Variants in GSE1 observed in about 807,000 individuals in gnomAD.
The protein encoded by GSE1 is genetic suppressor element 1.
A neutral mutation model predicts 112.6 loss-of-function variants in GSE1; 32 were observed. The observed-to-expected ratio is 0.28, with a 90% CI of 0.21 to 0.38. The LOEUF (loss-of-function observed/expected upper bound fraction) is 0.38. GSE1 is among the 10% of genes least tolerant of loss of function. The probability of loss-of-function intolerance (pLI) is 1.00; values close to 1 mark genes in which losing one functional copy is unlikely to be tolerated. For synonymous variants in GSE1, 1,115 were observed against 735.6 expected (o/e 1.52, Z -8.35); for missense variants, 2,348 against 1,699.2 (o/e 1.38, Z -6.71).
chr16:85,654,489 T>TGG, intron 4 of GSE1, 39 bp downstream of exon 4: 1 of 1,526,176 alleles, frequency 6.6e-7, no homozygotes, highest in Middle Eastern at 1.9e-4. Flanking sequence ...GGTGGCCAGG[T>TGG]GGGGACACAG....
intron 1 of GSE1, among the ~76,000 whole-genome samples, chr16:85,569,240 C>T (rs2045882703): frequency 6.6e-6 from 1 of 152,212 alleles, no homozygotes; most frequent in South Asian, 2.1e-4. Flanking sequence ...GCCCAGGTGT[C>T]TGGGAACGGT....
intron 1 of GSE1, among the ~76,000 whole-genome samples, chr16:85,190,682 A>G (rs568755166): frequency 2.0e-5 from 3 of 152,384 alleles, no homozygotes; most frequent in African/African-American, 7.2e-5. Context: ...GCAGAATGCC[A>G]GTGCCCTGGG....
At chr16:85,383,033 C>T (rs988957321) in intron 2 of GSE1, among the ~76,000 whole-genome samples, 1 of 151,632 alleles carries the variant, frequency 6.6e-6, no homozygotes, top group African/African-American at 2.4e-5. Context: ...CACACATGCA[C>T]ACACACACCG....
chr16:85,191,070 C>A (rs2074809593), intron 1 of GSE1, among the ~76,000 whole-genome samples: 1 of 152,172 alleles, frequency 6.6e-6, no homozygotes, highest in African/African-American at 2.4e-5. Flanking sequence ...ACCAGCCTGG[C>A]CAACATGGTG....
chr16:85,479,669 A>T (rs566855736), intron 2 of GSE1, among the ~76,000 whole-genome samples: 1 of 151,986 alleles, frequency 6.6e-6, no homozygotes, highest in Non-Finnish European at 1.5e-5. Flanking sequence ...TAGCTCACCA[A>T]CCCTTCTCTG....
chr16:85,637,757 G>A (rs1264855911), intron 2 of GSE1, among the ~76,000 whole-genome samples: 1 of 150,992 alleles, frequency 6.6e-6, no homozygotes, highest in South Asian at 2.1e-4. Context: ...CAGAAAGGGA[G>A]ACCGGGCCTC....
intron 1 of GSE1, among the ~76,000 whole-genome samples, chr16:85,336,960 A>G (rs1267326054): frequency 6.6e-6 from 1 of 151,666 alleles, no homozygotes; most frequent in Non-Finnish European, 1.5e-5. Context: ...GCTTGTATAC[A>G]CATAGGCACA....
intron 1 of GSE1, among the ~76,000 whole-genome samples, chr16:85,174,803 C>A (rs1174552541): frequency 6.6e-6 from 1 of 152,216 alleles, no homozygotes; most frequent in Non-Finnish European, 1.5e-5. Flanking sequence ...GGGCTCCGGG[C>A]AGGGGAGAAG....
At chr16:85,656,828 T>A (rs780325260) in intron 7 of GSE1, among the ~76,000 whole-genome samples, 163 bp downstream of exon 7, 1 of 152,220 alleles carries the variant, frequency 6.6e-6, no homozygotes, top group African/African-American at 2.4e-5. Context: ...CAGAGGCACG[T>A]TGGCACACGA....
intron 8 of GSE1, among the ~76,000 whole-genome samples, chr16:85,660,626 G>A (rs776530495): frequency 3.9e-5 from 6 of 151,936 alleles, no homozygotes; most frequent in Non-Finnish European, 7.4e-5. Flanking sequence ...GTGACAGAGT[G>A]AGTCTTTTTT....
chr16:85,457,057 C>T (rs542704127), intron 2 of GSE1, among the ~76,000 whole-genome samples: 1 of 152,302 alleles, frequency 6.6e-6, no homozygotes, highest in African/African-American at 2.4e-5. Flanking sequence ...CAGTAGGCAT[C>T]CTGAGATCAC....
At chr16:85,521,100 C>A (rs1305956853) in intron 2 of GSE1, among the ~76,000 whole-genome samples, 1 of 152,140 alleles carries the variant, frequency 6.6e-6, no homozygotes. Flanking sequence ...ATGCTGACAC[C>A]CTGACCTCCG....
chr16:85,432,034 G>T (rs1232069790), intron 2 of GSE1, among the ~76,000 whole-genome samples: 1 of 152,210 alleles, frequency 6.6e-6, no homozygotes, highest in Non-Finnish European at 1.5e-5. Context: ...CACACCGGAG[G>T]TGACCGTCTA....
intron 1 of GSE1, among the ~76,000 whole-genome samples, chr16:85,615,521 C>G (rs1047124518): frequency 4.6e-5 from 7 of 151,662 alleles, no homozygotes; most frequent in African/African-American, 7.3e-5. Context: ...GTTTTCTTTC[C>G]TGGAGCCTTG....
chr16:85,547,293 C>T (rs1283587792), intron 2 of GSE1, among the ~76,000 whole-genome samples: 1 of 152,200 alleles, frequency 6.6e-6, no homozygotes, highest in Non-Finnish European at 1.5e-5. Flanking sequence ...CTTAAAACAA[C>T]AGAAATGTAT....
chr16:85,519,596 C>T (rs79551014), intron 2 of GSE1, among the ~76,000 whole-genome samples: 2,070 of 34,658 alleles, frequency 0.06, 4 homozygotes, highest in East Asian at 0.1. Flanking sequence ...TCATCATCAC[C>T]TTCACCACCA....
At chr16:85,619,713 G>A (rs931901605) in intron 1 of GSE1, among the ~76,000 whole-genome samples, 1 of 152,204 alleles carries the variant, frequency 6.6e-6, no homozygotes, top group Non-Finnish European at 1.5e-5. Context: ...TCACGCCGTG[G>A]GCTGTGCGTC....
At chr16:85,661,906 C>G (rs922684872) in intron 9 of GSE1, 141 bp downstream of exon 9, 5 of 798,208 alleles carry the variant, frequency 6.3e-6, no homozygotes, top group South Asian at 2.0e-5. Flanking sequence ...GGCAAGTGCA[C>G]TGGCTTCTTT....
chr16:85,540,615 C>T (rs576257358), intron 2 of GSE1, among the ~76,000 whole-genome samples: 2 of 152,330 alleles, frequency 1.3e-5, no homozygotes, highest in African/African-American at 4.8e-5. Context: ...CTAGTCTTGA[C>T]AGCTCTTTGG....
Sources: gnomAD v4.1 joint callset for allele counts (sites outside exome capture counted in the v4.1 genomes callset) on GRCh38, gnomAD v4.1.1 for gene constraint, MANE v1.5 for transcripts, NCBI Gene and HGNC (gene_info 2026-07-23, HGNC 2026-07-21) for gene names.